MCIDAS: variants seen among roughly 807,000 people sequenced by gnomAD.
MCIDAS encodes multiciliate differentiation and DNA synthesis associated cell cycle protein, also known as multicilin.
In MCIDAS, 23 loss-of-function variants were observed where a neutral mutation model predicts 35.4. The ratio of observed to expected loss-of-function variants is 0.65; its 90% CI spans 0.47 to 0.92. The LOEUF is 0.92. Ranked by LOEUF, MCIDAS falls within the 40% of genes least tolerant of loss-of-function variation. MCIDAS has a pLI of 0.00. For missense variants in MCIDAS, 480 were observed against 531.8 expected, an observed-to-expected ratio of 0.90 and a Z score of 0.96; for synonymous variants, 228 against 235.2, an observed-to-expected ratio of 0.97 and a Z score of 0.28.
chr5:55,222,456 G>T, intron 4 of MCIDAS, 57 bp from the exon 5 acceptor site: 1 of 1,351,876 alleles, frequency 7.4e-7, no homozygotes, highest in Middle Eastern at 2.0e-4. Flanking sequence ...GCTAGTTACA[G>T]GAGCAAAATG....
At chr5:55,222,460 C>T (rs1325275999) in intron 4 of MCIDAS, 61 bp from the exon 5 acceptor site, 1 of 1,304,296 alleles carries the variant, frequency 7.7e-7, no homozygotes, top group Non-Finnish European at 1.0e-6. Flanking sequence ...GTTACAGGAG[C>T]AAAATGCCAC....
Position 55,223,738 on chromosome 5 carries a change from A to G in MCIDAS, c.310-715T>C, listed in dbSNP as rs893466182. 1.3e-5 allele frequency among the ~76,000 whole-genome samples: 2 copies of G among 152,184 alleles called. No homozygotes were observed. The highest frequency in any genetic ancestry group is 2.9e-5 in the Non-Finnish European group (2 of 68,032). ...CACCCATGCAACCGAGCGGGAAGAA[A>G]GCTGTGATTCGAGGGGCCAGGAGAA... On this transcript the variant is annotated intron_variant, in intron 3 of 6. Transcript: ENST00000513312. This position sits in a 1 kb window ranked among gnomAD's most constrained non-coding sequence, Gnocchi z 4.4.
In MCIDAS at chr5:55,223,042, G is replaced by A. The variant is rs1476490633; in HGVS notation, c.310-19C>T. 5 of 1,528,588 alleles carry A rather than the reference G, an allele frequency of 3.3e-6. No homozygotes were observed. In the African/African-American group the frequency reaches 5.5e-5, roughly 17 times the overall value. The allele number at this position is 1,528,588 out of a possible 1,614,324, so 94.7% of individuals were successfully genotyped here. A position where few individuals can be genotyped will look rare whatever the true frequency, so the allele number is the denominator to read the frequency against. Reference sequence around the variant, plus strand: ...AATGGTTCTGAAAAAAACCAGAGGTGTACACTGGTTAACGAGTCTGGCGTT... The same window carrying A: ...AATGGTTCTGAAAAAAACCAGAGGTATACACTGGTTAACGAGTCTGGCGTT... On this transcript the variant is annotated intron_variant, in intron 3 of 6. Coordinates refer to ENST00000513312, the MANE Select transcript of MCIDAS (RefSeq NM_001190787.3). The surrounding 1 kb of genome is among the most constrained non-coding windows in gnomAD (Gnocchi z 4.4).
At chr5:55,224,109 T>A (rs1745413999) in intron 3 of MCIDAS, among the ~76,000 whole-genome samples, 1 of 152,092 alleles carries the variant, frequency 6.6e-6, no homozygotes, top group Non-Finnish European at 1.5e-5. Context: ...AGTTACCCAG[T>A]CACCCAGCTC....
At chr5:55,221,268 A>T in intron 5 of MCIDAS, 142 bp from the exon 6 acceptor site, 1 of 506,362 alleles carries the variant, frequency 2.0e-6, no homozygotes, top group Non-Finnish European at 3.3e-6. Flanking sequence ...AATAATAATC[A>T]ATTTACTTTT....
In MCIDAS at chr5:55,220,494, C is replaced by A; in HGVS notation, c.1030G>T (p.Glu344Ter). ...ATGCGGGTGCTGAAGGAGCCGCCCT[C>A]CTCCAGCTCACTGTGGCTCAGGTTC... ...ALNLSHSELE[E>*]GGSFSTRIRS... The change falls in exon 7 of 7, where the codon GAG (glutamate) becomes TAG (stop). Residue 344 changes from glutamate (E) to a stop codon, truncating the protein, a stop_gained. Transcript: ENST00000513312. LOFTEE classifies it high-confidence loss of function. The A allele has an allele frequency of 6.5e-7, 1 of 1,536,062 alleles. No individual in the cohort carries two copies. Among genetic ancestry groups the A allele is most frequent in the Non-Finnish European group, 8.7e-7 (1 of 1,146,900 alleles).
chr5:55,222,459 G>A, intron 4 of MCIDAS, 60 bp from the exon 5 acceptor site: 1 of 1,322,800 alleles, frequency 7.6e-7, no homozygotes, highest in Non-Finnish European at 1.0e-6. Context: ...AGTTACAGGA[G>A]CAAAATGCCA....
intron 5 of MCIDAS, 148 bp from the exon 6 acceptor site, chr5:55,221,274 C>CA: frequency 2.1e-6 from 1 of 470,310 alleles, no homozygotes. Flanking sequence ...AATCAATTTA[C>CA]TTTTTTTTTA....
intron 3 of MCIDAS, among the ~76,000 whole-genome samples, chr5:55,224,272 CAGA>C: frequency 6.6e-6 from 1 of 151,752 alleles, no homozygotes; most frequent in East Asian, 1.9e-4. Flanking sequence ...AATAGCCCAC[CAGA>C]AAGACCTTAT....
In MCIDAS at chr5:55,227,002, C is replaced by G; in HGVS notation, c.120+17G>C. The G allele has an allele frequency of 1.3e-6, 2 of 1,519,386 alleles. No individual in the cohort carries two copies. The highest frequency in any genetic ancestry group is 1.8e-6 in the Non-Finnish European group (2 of 1,140,008). The allele number at this position is 1,519,386 out of a possible 1,614,324, so 94.1% of individuals were successfully genotyped here. ...CCGAGCGCGCAGACCCCGCCCGGCC[C>G]GAATCAACCGCCCCACCTTCCTCTC... On this transcript the variant is annotated intron_variant, in intron 1 of 6. Coordinates refer to ENST00000513312, the MANE Select transcript of MCIDAS (RefSeq NM_001190787.3).
rs758980530 is a variant in MCIDAS at position 55,223,767 on chromosome 5, G to A, written c.310-744C>T. 6.6e-6 allele frequency among the ~76,000 whole-genome samples: 1 copy of A among 152,196 alleles called. No individual in the cohort carries two copies. The highest frequency in any genetic ancestry group is 2.4e-5 in the African/African-American group (1 of 41,448). ...GTGATTCGAGGGGCCAGGAGAATAC[G>A]GGAAAAGCTTCTGTTCTGCGCACAG... On this transcript the variant is annotated intron_variant, in intron 3 of 6. Transcript: ENST00000513312. This position sits in a 1 kb window ranked among gnomAD's most constrained non-coding sequence, Gnocchi z 4.4.
chr5:55,224,473 C>G (rs1027993686), intron 3 of MCIDAS, among the ~76,000 whole-genome samples: 2 of 152,120 alleles, frequency 1.3e-5, no homozygotes, highest in Non-Finnish European at 2.9e-5. Flanking sequence ...ACCTCTGCCA[C>G]TAGTTGGATG....
intron 3 of MCIDAS, among the ~76,000 whole-genome samples, chr5:55,224,633 G>A (rs760550504): frequency 6.6e-6 from 1 of 152,176 alleles, no homozygotes; most frequent in Non-Finnish European, 1.5e-5. Flanking sequence ...AGTCTCATGA[G>A]GAGACTGGAG....
chr5:55,224,784 T>C (rs944363732), intron 3 of MCIDAS, among the ~76,000 whole-genome samples: 1 of 152,180 alleles, frequency 6.6e-6, no homozygotes, highest in Non-Finnish European at 1.5e-5. Flanking sequence ...GGAAATGTGA[T>C]CTGAGTGTCC....
Position 55,227,213 on chromosome 5 carries a change from T to C in MCIDAS, c.-75A>G. On this transcript the variant is annotated 5_prime_UTR_variant, in exon 1 of 7. Transcript: ENST00000513312. The stretch of plus-strand genomic sequence containing the variant: ...TGGGGCAGCGATCCACACCCTGCAC[T>C]CCCTTCAGTGCCTGCAGGCTCCGAA... The C allele has an allele frequency of 7.2e-7, 1 of 1,382,342 alleles. No individual in the cohort carries two copies. Among genetic ancestry groups the C allele is most frequent in the Non-Finnish European group, 9.3e-7 (1 of 1,076,804 alleles). The allele number at this position is 1,382,342 out of a possible 1,614,324, so 85.6% of individuals were successfully genotyped here.
intron 4 of MCIDAS, 88 bp downstream of exon 4, chr5:55,222,863 A>G (rs906269086): frequency 9.8e-6 from 12 of 1,225,414 alleles, no homozygotes; most frequent in Middle Eastern, 1.9e-4. Context: ...TGGGTTTACC[A>G]CCTTCACGAC....
chr5:55,222,285 T>C lies in MCIDAS; in HGVS notation c.497A>G (p.Gln166Arg). The change falls in exon 5 of 7, where the codon CAG (glutamine) becomes CGG (arginine). Residue 166 changes from glutamine to arginine, a missense_variant. Coordinates refer to ENST00000513312, the MANE Select transcript of MCIDAS (RefSeq NM_001190787.3). ...LSPPLDPRALQSPPLRPPDVP... is the reference protein window; with the variant it reads ...LSPPLDPRALRSPPLRPPDVP... The stretch of plus-strand genomic sequence containing the variant: ...GTCTGGAGGGCGCAGCGGTGGTGAC[T>C]GCAGGGCCCGTGGGTCCAGTGGCGG... 6.5e-7 allele frequency: 1 copy of C among 1,535,998 alleles called. No individual in the cohort carries two copies. Among genetic ancestry groups the C allele is most frequent in the South Asian group, 1.2e-5 (1 of 84,050 alleles).
In MCIDAS at chr5:55,222,215, G is replaced by C; in HGVS notation, c.567C>G (p.Asn189Lys). The change falls in exon 5 of 7, where the codon AAC becomes AAG. Residue 189 changes from asparagine (N) to lysine (K), a missense_variant. Coordinates refer to ENST00000513312, the MANE Select transcript of MCIDAS (RefSeq NM_001190787.3). ...CAAGCGCGTCTCCCAACGCTCTCTG[G>C]TTCTGGTCCGCCACCTCCTTCCAGT... ...EQYWKEVADQ[N>K]QRALGDALVE... 2 of 1,535,650 alleles carry C rather than the reference G, an allele frequency of 1.3e-6. No individual in the cohort carries two copies. Among genetic ancestry groups the C allele is most frequent in the Non-Finnish European group, 1.7e-6 (2 of 1,146,910 alleles).
chr5:55,227,181 C>A lies in MCIDAS; in HGVS notation c.-43G>T. On this transcript the variant is annotated 5_prime_UTR_variant, in exon 1 of 7. Coordinates refer to ENST00000513312, the MANE Select transcript of MCIDAS (RefSeq NM_001190787.3). ...GGTGCCGACTGCTCGGAGGCGGCGG[C>A]CCGGGCTGGGGCAGCGATCCACACC... 7.1e-7 allele frequency: 1 copy of A among 1,401,282 alleles called. No homozygotes were observed. 86.8% of individuals were successfully genotyped at this position (1,401,282 alleles called of 1,614,324 possible). A position where few individuals can be genotyped will look rare whatever the true frequency, so the allele number is the denominator to read the frequency against.
Sources: allele counts gnomAD v4.1 joint callset (sites outside exome capture counted in the v4.1 genomes callset), GRCh38; gene constraint gnomAD v4.1.1; non-coding constraint Gnocchi (gnomAD v3.1); transcripts MANE v1.5; gene names NCBI Gene and HGNC (gene_info 2026-07-23, HGNC 2026-07-21).